SMOC1: variants seen among roughly 807,000 people sequenced by gnomAD.
SMOC1 encodes the protein SPARC-related modular calcium-binding protein 1.
In SMOC1, 22 loss-of-function variants were observed where a neutral mutation model predicts 56.3. The observed-to-expected ratio is 0.39, with a 90% CI of 0.28 to 0.56. SMOC1 has a LOEUF of 0.56. Among genes scored for constraint, SMOC1 ranks in the 20% least tolerant of loss-of-function variants. The pLI is 0.61. For synonymous variants in SMOC1, 193 were observed against 215.0 expected (o/e 0.90, Z 0.89); for missense variants, 509 against 565.4 (o/e 0.90, Z 1.01).
At chr14:69,894,969 G>A (rs1483045713) in intron 1 of SMOC1, among the ~76,000 whole-genome samples, 2 of 152,138 alleles carry the variant, frequency 1.3e-5, no homozygotes, top group Non-Finnish European at 2.9e-5. Flanking sequence ...CAGTGCACTT[G>A]GCCAGCTAGT....
intron 11 of SMOC1, among the ~76,000 whole-genome samples, chr14:70,026,387 C>T (rs545615286): frequency 4.6e-5 from 7 of 152,326 alleles, no homozygotes; most frequent in African/African-American, 1.7e-4. Flanking sequence ...AGCTCAGATC[C>T]ACCGAGCTCA....
At chr14:70,013,548 C>A in intron 10 of SMOC1, 57 bp downstream of exon 10, 1 of 1,440,240 alleles carries the variant, frequency 6.9e-7, no homozygotes, top group Non-Finnish European at 9.7e-7. Context: ...CCTGACTTTT[C>A]AAATGCTGAG....
chr14:70,024,898 G>C (rs1234608789), intron 11 of SMOC1, among the ~76,000 whole-genome samples: 4 of 152,172 alleles, frequency 2.6e-5, no homozygotes, highest in Admixed American at 2.0e-4. Context: ...GAGCAAGGCA[G>C]GGTCATCCAA....
Position 69,977,956 on chromosome 14 carries a change from G to A in SMOC1, c.517G>A (p.Gly173Arg). 6.2e-7 allele frequency: 1 copy of A among 1,613,908 alleles called. No homozygotes were observed. The highest frequency in any genetic ancestry group is 1.1e-5 in the South Asian group (1 of 91,080). The change falls in exon 5 of 12, where the codon GGA becomes AGA. Residue 173 changes from glycine to arginine, a missense_variant. Around this residue, in one of 3 missense-constraint regions of SMOC1, gnomAD observed 315 missense variants for 333.1 expected, o/e 0.95. Transcript: ENST00000361956. ...CAAGCCCTTGAGCCAGGGTAACTCA[G>A]GAAGGAAAGGTGAGTGGAGTTTTAT... The part of the protein sequence containing the change: ...TDKPLSQGNS[G>R]RKDDGSKPTP...
chr14:69,881,188 G>A (rs897178072), intron 1 of SMOC1, among the ~76,000 whole-genome samples: 1 of 152,196 alleles, frequency 6.6e-6, no homozygotes, highest in East Asian at 1.9e-4. Flanking sequence ...AGATGAGGAT[G>A]CCTTTTAAAT....
intron 5 of SMOC1, among the ~76,000 whole-genome samples, chr14:69,982,578 C>A (rs1460766263): frequency 6.6e-6 from 1 of 152,234 alleles, no homozygotes; most frequent in African/African-American, 2.4e-5. Context: ...AAGGTGTTAA[C>A]ACACCTGAAG....
chr14:69,888,407 G>A (rs1436768327), intron 1 of SMOC1, among the ~76,000 whole-genome samples: 1 of 152,164 alleles, frequency 6.6e-6, no homozygotes, highest in Admixed American at 6.5e-5. Context: ...CATACTTCCT[G>A]GACGTCACCT....
chr14:69,988,452 G>A (rs949235348), intron 5 of SMOC1, among the ~76,000 whole-genome samples: 17 of 152,134 alleles, frequency 1.1e-4, no homozygotes, highest in Non-Finnish European at 2.9e-5. Context: ...AACAGTGGAA[G>A]AGTCTTCCCC....
Position 70,023,203 on chromosome 14 carries a change from G to T in SMOC1, c.1047G>T (p.Arg349Ser), listed in dbSNP as rs146934835. Residue 349 changes from arginine to serine, a missense_variant and splice_region_variant, in exon 11 of 12, where the codon AGG becomes AGT. Around this residue, in one of 3 missense-constraint regions of SMOC1, gnomAD observed 176 missense variants for 188.1 expected, o/e 0.94. Transcript: ENST00000361956. ...GTGGGGGTGTTTGTCCATGGCCCAG[G>T]TTCTCAGAGCCAGACCCCAGCCACA... ...INSAAPTGGG[R>S]FSEPDPSHTL... is the part of the protein sequence containing the mutation. The T allele has an allele frequency of 4.5e-4, 722 of 1,614,102 alleles. 2 individuals carry two copies. The highest frequency in any genetic ancestry group is 5.8e-4 in the Non-Finnish European group (679 of 1,180,024).
chr14:69,959,202 G>A (rs921130859), intron 3 of SMOC1, among the ~76,000 whole-genome samples: 2 of 152,110 alleles, frequency 1.3e-5, no homozygotes, highest in Non-Finnish European at 2.9e-5. Context: ...TAAGTTACAT[G>A]CAACACTGTC....
intron 1 of SMOC1, among the ~76,000 whole-genome samples, chr14:69,939,893 G>A (rs1182924006): frequency 1.3e-5 from 2 of 152,186 alleles, no homozygotes; most frequent in African/African-American, 2.4e-5. Context: ...GTCCAGGTGA[G>A]TGGGACTATC....
chr14:69,936,413 T>C (rs1885296750), intron 1 of SMOC1, among the ~76,000 whole-genome samples: 1 of 152,234 alleles, frequency 6.6e-6, no homozygotes, highest in Admixed American at 6.5e-5. Flanking sequence ...GGGCCTGTAA[T>C]GCTAATGACA....
At chr14:69,887,700 C>G (rs1355209363) in intron 1 of SMOC1, among the ~76,000 whole-genome samples, 1 of 152,188 alleles carries the variant, frequency 6.6e-6, no homozygotes, top group African/African-American at 2.4e-5. Flanking sequence ...CAGACCCAGG[C>G]CCTGGCATAA....
At chr14:69,964,332 A>G (rs1275175211) in intron 3 of SMOC1, among the ~76,000 whole-genome samples, 1 of 150,172 alleles carries the variant, frequency 6.7e-6, no homozygotes, top group Non-Finnish European at 1.5e-5. Flanking sequence ...TGTCTGTGGG[A>G]GAGGAGAGGC....
In SMOC1 at chr14:69,919,686, T is replaced by G. The variant is rs12586447; in HGVS notation, c.100-32452T>G. ...GCTGTCAACTCACAATCATCAAAGC[T>G]GCAATGGGAGTTGGGTGGGCCTAAG... On this transcript the variant is annotated intron_variant, in intron 1 of 11. Coordinates refer to ENST00000361956, the MANE Select transcript of SMOC1 (RefSeq NM_001034852.3). Among the ~76,000 whole-genome samples, 3,788 of 152,296 alleles carry G rather than the reference T, an allele frequency of 0.025. 214 individuals are homozygous for G. The East Asian group carries it at 0.26, about 11-fold the overall frequency.
At chr14:69,952,434 T>C in intron 2 of SMOC1, 131 bp downstream of exon 2, 1 of 1,061,168 alleles carries the variant, frequency 9.4e-7, no homozygotes, top group Admixed American at 2.0e-5. Context: ...CTCCACCCCT[T>C]CCACCAGGGC....
chr14:70,024,311 T>G (rs2139618027), intron 11 of SMOC1, among the ~76,000 whole-genome samples: 1 of 152,172 alleles, frequency 6.6e-6, no homozygotes, highest in Admixed American at 6.5e-5. Flanking sequence ...CTTGAAAAAC[T>G]TTTGAAGGAA....
At chr14:69,937,047 T>C (rs1048225562) in intron 1 of SMOC1, among the ~76,000 whole-genome samples, 1 of 152,208 alleles carries the variant, frequency 6.6e-6, no homozygotes, top group East Asian at 1.9e-4. Context: ...CATTGAAGGC[T>C]GGGTGAAAAG....
chr14:69,965,555 A>G (rs1883544218), intron 3 of SMOC1, among the ~76,000 whole-genome samples: 1 of 152,078 alleles, frequency 6.6e-6, no homozygotes, highest in Admixed American at 6.5e-5. Flanking sequence ...ATAGGGAAGA[A>G]CTTTTGACAA....
Sources: allele counts gnomAD v4.1 joint callset (sites outside exome capture counted in the v4.1 genomes callset), GRCh38; gene constraint gnomAD v4.1.1; regional missense constraint gnomAD v4.1.1; transcripts MANE v1.5; gene names NCBI Gene and HGNC (gene_info 2026-07-23, HGNC 2026-07-21).